VANGL1: variants seen among roughly 807,000 people sequenced by gnomAD.
VANGL1 encodes VANGL planar cell polarity protein 1, also known as vang-like protein 1.
A neutral mutation model predicts 48.4 loss-of-function variants in VANGL1; 18 were observed. That is an observed-to-expected ratio of 0.37 (90% CI 0.26 to 0.55). The LOEUF is 0.55. VANGL1 is among the 20% of genes least tolerant of loss of function. The pLI, the probability that VANGL1 is intolerant of heterozygous loss-of-function variation, is 0.81. For synonymous variants in VANGL1, 257 were observed against 261.8 expected, an observed-to-expected ratio of 0.98 and a Z score of 0.18; for missense variants, 667 against 675.8, an observed-to-expected ratio of 0.99 and a Z score of 0.14.
Position 115,680,031 on chromosome 1 carries a change from G to GTGT in VANGL1, c.813-2333_813-2332insTGT, listed in dbSNP as rs1557773486. On this transcript the variant is annotated intron_variant, in intron 4 of 7. Transcript: ENST00000355485. ...TGTGTGTGTGTGTGTGTATGTGAGA[G>GTGT]AGAGAGAGAGAGAGATCAGGGAGAG... Among the ~76,000 whole-genome samples, 321 of 143,990 alleles carry GTGT rather than the reference G, an allele frequency of 2.2e-3. 1 individual carries two copies. Among genetic ancestry groups the GTGT allele is most frequent in the East Asian group, 0.022 (103 of 4,780 alleles). The allele number at this position is 143,990 out of a possible 152,430, so 94.5% of individuals were successfully genotyped here.
chr1:115,685,557 G>A lies in VANGL1; in HGVS notation c.1314+30G>A, dbSNP rs377034495. On this transcript the variant is annotated intron_variant, in intron 7 of 7. Transcript: ENST00000355485. ...GCTGCTCCGGGCGGGCTCTGCCACCGTCATCCTGGCTTGTCACTGAGCTTG... is the reference window on the plus strand; with the variant it reads ...GCTGCTCCGGGCGGGCTCTGCCACCATCATCCTGGCTTGTCACTGAGCTTG... The A allele has an allele frequency of 9.6e-5, 154 of 1,607,722 alleles. 1 individual carries two copies. The highest frequency in any genetic ancestry group is 3.3e-4 in the Middle Eastern group (2 of 6,054).
At chr1:115,655,322 G>A (rs1474259304) in intron 2 of VANGL1, among the ~76,000 whole-genome samples, 1 of 152,230 alleles carries the variant, frequency 6.6e-6, no homozygotes, top group Non-Finnish European at 1.5e-5. Flanking sequence ...AGTGAGAACA[G>A]TGAGAATTAC....
At position 115,663,699 on chromosome 1, in the gene VANGL1, C is replaced by A. The variant is rs1316266144; in HGVS notation, c.243C>A (p.Gly81=). 1 of 1,614,086 alleles carries A rather than the reference C, an allele frequency of 6.2e-7. No homozygotes were observed. Residue 81 remains glycine (G), a synonymous_variant, in exon 4 of 8, where the codon GGC becomes GGA. Transcript: ENST00000355485. ...GAGAGACCACCACGGCCATCACAGGCACCTCGGAGCACAGCATATCCCAAG... is the reference window on the plus strand; with the variant it reads ...GAGAGACCACCACGGCCATCACAGGAACCTCGGAGCACAGCATATCCCAAG... The part of the protein sequence containing the change: ...NWGETTTAIT[G]TSEHSISQED...
chr1:115,643,338 G>A (rs751447159), intron 1 of VANGL1, among the ~76,000 whole-genome samples: 1 of 152,178 alleles, frequency 6.6e-6, no homozygotes, highest in Non-Finnish European at 1.5e-5. Flanking sequence ...CCCAGGCTCT[G>A]CAAGTGAGAT....
intron 7 of VANGL1, 75 bp from the exon 8 acceptor site, chr1:115,691,044 G>A (rs1046629933): frequency 2.5e-6 from 4 of 1,607,848 alleles, no homozygotes; most frequent in Admixed American, 1.7e-5. Flanking sequence ...AGATGTGAGA[G>A]TGGATAGCCG....
At chr1:115,670,548 T>C (rs1342589777) in intron 4 of VANGL1, among the ~76,000 whole-genome samples, 2 of 152,222 alleles carry the variant, frequency 1.3e-5, no homozygotes, top group Non-Finnish European at 2.9e-5. Context: ...TGAAATCTTA[T>C]GTTTGTAATT....
intron 7 of VANGL1, among the ~76,000 whole-genome samples, chr1:115,689,359 C>CG (rs1421723616): frequency 7.4e-6 from 1 of 136,036 alleles, no homozygotes; most frequent in East Asian, 2.1e-4. Context: ...GGGCCGGGCG[C>CG]GGTGGCTCAC....
At position 115,647,007 on chromosome 1, in the gene VANGL1, G is replaced by A. The variant is rs532568952; in HGVS notation, c.-137-4270G>A. Among the ~76,000 whole-genome samples the A allele has an allele frequency of 5.9e-5, 9 of 152,366 alleles. No individual in the cohort carries two copies. The East Asian group carries it at 9.6e-4, about 16-fold the overall frequency. On this transcript the variant is annotated intron_variant, in intron 1 of 7. Coordinates refer to ENST00000355485, the MANE Select transcript of VANGL1 (RefSeq NM_138959.3). ...AAGACTCTACCTTAAAGGAGCTGGG[G>A]CTAGAGAAGGAGGAGGGAGCTAGAG...
intron 1 of VANGL1, among the ~76,000 whole-genome samples, chr1:115,650,537 T>G (rs938062279): frequency 6.6e-5 from 10 of 152,216 alleles, no homozygotes; most frequent in Non-Finnish European, 1.5e-4. Flanking sequence ...ATAAGCAATT[T>G]TATACAATTG....
At chr1:115,658,256 A>G (rs1233943163) in intron 2 of VANGL1, among the ~76,000 whole-genome samples, 15 of 152,182 alleles carry the variant, frequency 9.9e-5, no homozygotes, top group African/African-American at 2.4e-4. Flanking sequence ...CAAGAAATCT[A>G]CGTTTTCTTA....
intron 5 of VANGL1, 71 bp from the exon 6 acceptor site, chr1:115,683,873 G>C: frequency 6.3e-7 from 1 of 1,581,780 alleles, no homozygotes. Flanking sequence ...GACAGATTGG[G>C]TACTAGTTTT....
At chr1:115,680,234 C>G (rs1294584811) in intron 4 of VANGL1, among the ~76,000 whole-genome samples, 1 of 152,100 alleles carries the variant, frequency 6.6e-6, no homozygotes, top group African/African-American at 2.4e-5. Flanking sequence ...GACACACAAA[C>G]CTCCACGGAA....
At position 115,682,455 on chromosome 1, in the gene VANGL1, G is replaced by A; in HGVS notation, c.904G>A (p.Ala302Thr). Reference sequence around the variant, plus strand: ...CCTCCTAACAGCCTCCAAATTCCGAGCAGCCAAGCATATGGCCGGGCTGAA... The same window carrying A: ...CCTCCTAACAGCCTCCAAATTCCGAACAGCCAAGCATATGGCCGGGCTGAA... The part of the protein sequence containing the change: ...PNLLTASKFR[A>T]AKHMAGLKVY... Residue 302 changes from alanine (A) to threonine (T), a missense_variant, in exon 5 of 8, where the codon GCA (alanine) becomes ACA (threonine). Physicochemically the swap from Ala to Thr is moderately conservative, Grantham distance 58. Transcript: ENST00000355485. 6.2e-7 allele frequency: 1 copy of A among 1,614,166 alleles called. No individual in the cohort carries two copies. The highest frequency in any genetic ancestry group is 1.1e-5 in the South Asian group (1 of 91,072).
chr1:115,672,873 A>C (rs781566393), intron 4 of VANGL1, among the ~76,000 whole-genome samples: 1 of 152,212 alleles, frequency 6.6e-6, no homozygotes, highest in Non-Finnish European at 1.5e-5. Context: ...ATATTGCCAC[A>C]AATGTACCTG....
chr1:115,653,420 A>G (rs571763577), intron 2 of VANGL1, among the ~76,000 whole-genome samples: 30 of 152,306 alleles, frequency 2.0e-4, no homozygotes, highest in African/African-American at 5.3e-4. Context: ...AGCTGTTTTA[A>G]AATACCAATT....
intron 2 of VANGL1, 25 bp from the exon 3 acceptor site, chr1:115,659,616 G>A (rs1652472416): frequency 3.1e-6 from 5 of 1,613,712 alleles, no homozygotes; most frequent in Non-Finnish European, 4.2e-6. Context: ...TGGCATAAAT[G>A]TGCTAGCTCA....
chr1:115,649,811 A>G (rs1652078431), intron 1 of VANGL1, among the ~76,000 whole-genome samples: 1 of 152,122 alleles, frequency 6.6e-6, no homozygotes, highest in Admixed American at 6.5e-5. Flanking sequence ...TGGTTGGTTT[A>G]CCCTGTTTAA....
chr1:115,660,681 AC>A (rs1284220874), intron 3 of VANGL1, among the ~76,000 whole-genome samples: 1 of 152,214 alleles, frequency 6.6e-6, no homozygotes, highest in Non-Finnish European at 1.5e-5. Context: ...TGTATGATAC[AC>A]AGCTGTAAAG....
chr1:115,678,860 C>A (rs549759813), intron 4 of VANGL1, among the ~76,000 whole-genome samples: 2 of 151,032 alleles, frequency 1.3e-5, no homozygotes, highest in African/African-American at 4.9e-5. Flanking sequence ...GAGCCTGAGG[C>A]AGGAGAATCC....
Sources: allele counts gnomAD v4.1 joint callset (sites outside exome capture counted in the v4.1 genomes callset), GRCh38; gene constraint gnomAD v4.1.1; transcripts MANE v1.5; gene names NCBI Gene and HGNC (gene_info 2026-07-23, HGNC 2026-07-21).